CRY1: variants seen among roughly 807,000 people sequenced by gnomAD.
CRY1 encodes cryptochrome circadian regulator 1.
CRY1 carries 45 observed loss-of-function variants against 76.0 expected under a neutral mutation model. The ratio of observed to expected loss-of-function variants is 0.59; its 90% CI spans 0.47 to 0.76. CRY1 has a LOEUF of 0.76. Ranked by LOEUF, CRY1 falls within the 30% of genes least tolerant of loss-of-function variation. The pLI is 0.00. For synonymous variants in CRY1, 248 were observed against 244.0 expected (o/e 1.02, Z -0.15); for missense variants, 587 against 716.4 (o/e 0.82, Z 2.06).
chr12:107,079,101 G>A (rs1381692792), intron 1 of CRY1, among the ~76,000 whole-genome samples: 1 of 152,038 alleles, frequency 6.6e-6, no homozygotes, highest in Non-Finnish European at 1.5e-5. Context: ...TATATAATAG[G>A]CAACAATGTT....
chr12:107,064,564 A>C (rs1196190229), intron 1 of CRY1, among the ~76,000 whole-genome samples: 1 of 152,218 alleles, frequency 6.6e-6, no homozygotes, highest in African/African-American at 2.4e-5. Context: ...GAAGACAAAA[A>C]TCATCAACAG....
At chr12:107,065,315 G>T (rs975542159) in intron 1 of CRY1, among the ~76,000 whole-genome samples, 1 of 151,480 alleles carries the variant, frequency 6.6e-6, no homozygotes. Context: ...AGTAAAGGCC[G>T]GGCGCGGTGG....
intron 1 of CRY1, among the ~76,000 whole-genome samples, chr12:107,034,558 A>G (rs1952712860): frequency 6.6e-6 from 1 of 152,194 alleles, no homozygotes; most frequent in Non-Finnish European, 1.5e-5. Flanking sequence ...GGGCTGAATC[A>G]GAAGCCCATG....
chr12:107,014,175 G>T (rs1952473783), intron 2 of CRY1, among the ~76,000 whole-genome samples: 3 of 152,192 alleles, frequency 2.0e-5, no homozygotes, highest in Admixed American at 6.5e-5. Context: ...ATGACCAAAG[G>T]TGTTTCATAC....
At chr12:107,075,016 A>AG (rs555278342) in intron 1 of CRY1, among the ~76,000 whole-genome samples, 4 of 31,054 alleles carry the variant, frequency 1.3e-4, no homozygotes, top group Admixed American at 4.5e-4. Flanking sequence ...ACTCTGTCTC[A>AG]AAAAAAAAAC....
intron 1 of CRY1, among the ~76,000 whole-genome samples, chr12:107,081,859 C>T (rs895598817): frequency 3.3e-5 from 5 of 152,002 alleles, no homozygotes; most frequent in Admixed American, 2.6e-4. Flanking sequence ...ATATAGTTTA[C>T]ATATTTGTCC....
chr12:107,089,555 C>A (rs1177255356), intron 1 of CRY1, among the ~76,000 whole-genome samples: 1 of 151,768 alleles, frequency 6.6e-6, no homozygotes, highest in East Asian at 1.9e-4. Flanking sequence ...ATGGCAATAT[C>A]AAAAAGTGGT....
intron 1 of CRY1, among the ~76,000 whole-genome samples, chr12:107,039,242 CAG>C (rs1952769987): frequency 6.6e-6 from 1 of 152,120 alleles, no homozygotes; most frequent in African/African-American, 2.4e-5. Flanking sequence ...TACAAGAAAA[CAG>C]AGGAAAAAGC....
intron 1 of CRY1, among the ~76,000 whole-genome samples, chr12:107,032,772 G>A (rs138988368): frequency 1.1e-3 from 173 of 152,284 alleles, no homozygotes; most frequent in Admixed American, 2.1e-3. Context: ...TCACTTCCCT[G>A]CACTCTAGCC....
intron 1 of CRY1, among the ~76,000 whole-genome samples, chr12:107,061,826 T>C (rs552003647): frequency 7.2e-5 from 11 of 152,220 alleles, no homozygotes; most frequent in African/African-American, 2.4e-4. Context: ...AATTATCCAA[T>C]GCTGGGAAGG....
chr12:107,012,861 C>A (rs575641383), intron 2 of CRY1, among the ~76,000 whole-genome samples: 1 of 152,116 alleles, frequency 6.6e-6, no homozygotes, highest in African/African-American at 2.4e-5. Context: ...GAAGGAACTA[C>A]AAATGTGGTA....
intron 2 of CRY1, among the ~76,000 whole-genome samples, chr12:107,007,570 C>T (rs1952389037): frequency 6.6e-6 from 1 of 151,328 alleles, no homozygotes; most frequent in South Asian, 2.1e-4. Context: ...CACTCTGTTG[C>T]CCAAGCTGGA....
At chr12:107,016,174 G>GTGA (rs1481698285) in intron 2 of CRY1, among the ~76,000 whole-genome samples, 5 of 152,056 alleles carry the variant, frequency 3.3e-5, no homozygotes, top group Non-Finnish European at 7.4e-5. Flanking sequence ...GCTGGGCATG[G>GTGA]TGGCGCACTC....
chr12:107,018,515 A>G (rs1373823810), intron 2 of CRY1, among the ~76,000 whole-genome samples: 1 of 152,206 alleles, frequency 6.6e-6, no homozygotes, highest in Non-Finnish European at 1.5e-5. Flanking sequence ...TGAGCCTGGA[A>G]GGCAAATGTT....
At chr12:106,998,215 C>T (rs1952255839) in intron 7 of CRY1, 149 bp from the exon 8 acceptor site, 1 of 831,490 alleles carries the variant, frequency 1.2e-6, no homozygotes, top group Admixed American at 2.5e-5. Flanking sequence ...TCCCTATGTT[C>T]TGTTCTATAA....
intron 1 of CRY1, among the ~76,000 whole-genome samples, chr12:107,081,250 A>AT (rs528389192): frequency 3.9e-5 from 6 of 152,078 alleles, no homozygotes; most frequent in Middle Eastern, 3.4e-3. Context: ...TTCATTGAGA[A>AT]TTTTTTTTAA....
chr12:106,996,921 T>G (rs938896010), intron 10 of CRY1, among the ~76,000 whole-genome samples: 13 of 152,236 alleles, frequency 8.5e-5, no homozygotes, highest in Non-Finnish European at 1.9e-4. Flanking sequence ...CTTTTGGCCA[T>G]GTTCACAGGG....
chr12:107,038,513 A>C (rs1422052455), intron 1 of CRY1, among the ~76,000 whole-genome samples: 1 of 152,234 alleles, frequency 6.6e-6, no homozygotes, highest in Non-Finnish European at 1.5e-5. Flanking sequence ...AAAAACAGCT[A>C]AATGGGACAG....
intron 1 of CRY1, among the ~76,000 whole-genome samples, chr12:107,056,654 A>G (rs896181158): frequency 1.3e-5 from 2 of 152,122 alleles, no homozygotes; most frequent in Non-Finnish European, 2.9e-5. Flanking sequence ...AATTCTTCCA[A>G]TGTGGCCCAG....
Sources: allele counts gnomAD v4.1 joint callset (sites outside exome capture counted in the v4.1 genomes callset), GRCh38; gene constraint gnomAD v4.1.1; transcripts MANE v1.5; gene names NCBI Gene and HGNC (gene_info 2026-07-23, HGNC 2026-07-21).